PDCD2L: variants seen among roughly 807,000 people sequenced by gnomAD.
PDCD2L encodes the protein programmed cell death 2 like.
PDCD2L carries 44 observed loss-of-function variants against 40.4 expected under a neutral mutation model. That is an observed-to-expected ratio of 1.09 (90% confidence interval 0.86 to 1.40). The LOEUF is 1.40. Ranked by LOEUF, PDCD2L falls within the 40% of genes most tolerant of loss-of-function variation. The pLI, the probability that PDCD2L is intolerant of heterozygous loss-of-function variation, is 0.00. For missense variants in PDCD2L, 470 were observed against 453.7 expected (o/e 1.04, Z -0.33); for synonymous variants, 194 against 174.6 (o/e 1.11, Z -0.88).
chr19:34,408,387 G>A (rs1220923362), intron 3 of PDCD2L, among the ~76,000 whole-genome samples: 2 of 151,732 alleles, frequency 1.3e-5, no homozygotes, highest in Non-Finnish European at 2.9e-5. Context: ...CTGGAGTGCA[G>A]TGGTGTGATC....
chr19:34,412,499 C>T, intron 4 of PDCD2L, among the ~76,000 whole-genome samples: 1 of 151,888 alleles, frequency 6.6e-6, no homozygotes, highest in East Asian at 2.0e-4. Context: ...AGATGGATCA[C>T]TTGAGGTCAG....
chr19:34,412,047 A>C (rs2075106606), intron 4 of PDCD2L, among the ~76,000 whole-genome samples: 1 of 148,704 alleles, frequency 6.7e-6, no homozygotes, highest in South Asian at 2.1e-4. Context: ...TTGAGACAGA[A>C]TCTCGCTCTG....
At chr19:34,412,907 T>C (rs1293164949) in intron 4 of PDCD2L, among the ~76,000 whole-genome samples, 2 of 151,880 alleles carry the variant, frequency 1.3e-5, no homozygotes, top group Non-Finnish European at 2.9e-5. Flanking sequence ...CCCAGCTAAT[T>C]TTTGTATTTT....
chr19:34,410,208 A>C (rs1244829731), intron 4 of PDCD2L, among the ~76,000 whole-genome samples: 1 of 152,170 alleles, frequency 6.6e-6, no homozygotes, highest in Non-Finnish European at 1.5e-5. Context: ...CAGGCAATCT[A>C]TCTTAGTTTC....
intron 5 of PDCD2L, among the ~76,000 whole-genome samples, chr19:34,414,051 G>T (rs1323239672): frequency 6.6e-6 from 1 of 152,134 alleles, no homozygotes; most frequent in Non-Finnish European, 1.5e-5. Flanking sequence ...GCACTCACTT[G>T]TCTAACAAAT....
chr19:34,426,111 G>A lies in PDCD2L; in HGVS notation c.1068G>A (p.Leu356=), dbSNP rs775128196. Residue 356 remains leucine (L), a synonymous_variant, in exon 7 of 7, where the codon TTG becomes TTA. Transcript: ENST00000246535. The part of the protein sequence containing the change: ...CIIQEDPDEL[L]FK Reference sequence around the variant, plus strand: ...TACAAGAAGACCCAGATGAATTATTGTTTAAGTAGAGCATTTCCTTTTATT... The same window carrying A: ...TACAAGAAGACCCAGATGAATTATTATTTAAGTAGAGCATTTCCTTTTATT... The A allele has an allele frequency of 6.4e-7, 1 of 1,570,468 alleles. No homozygotes were observed. Among genetic ancestry groups the A allele is most frequent in the Admixed American group, 1.7e-5 (1 of 59,216 alleles).
Position 34,408,842 on chromosome 19 carries a change from G to A in PDCD2L, c.337-319G>A, listed in dbSNP as rs1180993223. ...CATATCTGAAACCCTAGCTGCTAAG[G>A]GGTCTGGGAAAGGTAGTTCTTTCTT... On this transcript the variant is annotated intron_variant, in intron 3 of 6. Coordinates refer to ENST00000246535, the MANE Select transcript of PDCD2L (RefSeq NM_032346.2). 2.0e-5 allele frequency among the ~76,000 whole-genome samples: 3 copies of A among 152,156 alleles called. No homozygotes were observed. The East Asian group carries it at 5.8e-4, about 29-fold the overall frequency.
Position 34,404,423 on chromosome 19 carries a change from C to T in PDCD2L, c.-8C>T, listed in dbSNP as rs1013246391. 7.1e-6 allele frequency: 11 copies of T among 1,540,098 alleles called. No individual in the cohort carries two copies. The South Asian group carries it at 1.1e-4, about 15-fold the overall frequency. On this transcript the variant is annotated 5_prime_UTR_variant, in exon 1 of 7. Transcript: ENST00000246535. Reference sequence around the variant, plus strand: ...TAGTTTGCGTTTTCACCTGGTCGCCCGGCGGCCATGGCGGCCGTTCTGAAG... The same window carrying T: ...TAGTTTGCGTTTTCACCTGGTCGCCTGGCGGCCATGGCGGCCGTTCTGAAG...
chr19:34,407,167 G>C (rs1447181301), intron 3 of PDCD2L, among the ~76,000 whole-genome samples: 1 of 148,616 alleles, frequency 6.7e-6, no homozygotes, highest in Non-Finnish European at 1.5e-5. Context: ...CTTTGAGATG[G>C]AGTTTCGCTT....
At position 34,409,214 on chromosome 19, in the gene PDCD2L, G is replaced by T; in HGVS notation, c.390G>T (p.Trp130Cys). ...AEDWCEGADD[W>C]GSDTEEGPSP... Reference sequence around the variant, plus strand: ...ACTGGTGTGAAGGTGCTGATGACTGGGGAAGTGATACTGAGGAGGGGCCTT... The same window carrying T: ...ACTGGTGTGAAGGTGCTGATGACTGTGGAAGTGATACTGAGGAGGGGCCTT... The change falls in exon 4 of 7, where the codon TGG (tryptophan) becomes TGT (cysteine). Residue 130 changes from tryptophan to cysteine, a missense_variant. By Grantham distance (215) the Trp-to-Cys change is radical. Coordinates refer to ENST00000246535, the MANE Select transcript of PDCD2L (RefSeq NM_032346.2). The T allele has an allele frequency of 6.2e-7, 1 of 1,614,168 alleles. No homozygotes were observed. The highest frequency in any genetic ancestry group is 8.5e-7 in the Non-Finnish European group (1 of 1,180,028).
chr19:34,404,902 C>G (rs1264792366), intron 2 of PDCD2L, 28 bp from the exon 3 acceptor site: 2 of 1,613,696 alleles, frequency 1.2e-6, no homozygotes, highest in East Asian at 4.5e-5. Context: ...GGGTGCAGCC[C>G]TCACGGCCCT....
intron 6 of PDCD2L, among the ~76,000 whole-genome samples, chr19:34,424,680 T>C (rs1156491200): frequency 1.3e-5 from 2 of 152,018 alleles, no homozygotes; most frequent in African/African-American, 4.8e-5. Flanking sequence ...TTGAGGCGCT[T>C]TTCCCTTACC....
At chr19:34,414,762 A>G (rs1472818527) in intron 5 of PDCD2L, among the ~76,000 whole-genome samples, 2 of 151,842 alleles carry the variant, frequency 1.3e-5, no homozygotes, top group Admixed American at 1.3e-4. Context: ...AGTTTGTTCT[A>G]GGATTACAGG....
Position 34,420,483 on chromosome 19 carries a change from C to T in PDCD2L, c.798-1036C>T, listed in dbSNP as rs73582675. On this transcript the variant is annotated intron_variant, in intron 5 of 6. Coordinates refer to ENST00000246535, the MANE Select transcript of PDCD2L (RefSeq NM_032346.2). ...AAATGATTTACCAGAAATTACATATCGAACAACAGTAATATTGAAGTGAGC... is the reference window on the plus strand; with the variant it reads ...AAATGATTTACCAGAAATTACATATTGAACAACAGTAATATTGAAGTGAGC... 7.8e-3 allele frequency among the ~76,000 whole-genome samples: 1,193 copies of T among 152,042 alleles called. 19 individuals are homozygous for T. The highest frequency in any genetic ancestry group is 0.027 in the African/African-American group (1,113 of 41,502).
At chr19:34,425,415 C>G (rs2075172696) in intron 6 of PDCD2L, among the ~76,000 whole-genome samples, 1 of 151,046 alleles carries the variant, frequency 6.6e-6, no homozygotes, top group Admixed American at 6.6e-5. Context: ...ATCCTTCTGC[C>G]TTAGTCTCCT....
At chr19:34,410,762 T>TTATATTTATTTA (rs146147218) in intron 4 of PDCD2L, among the ~76,000 whole-genome samples, 60,365 of 146,000 alleles carry the variant, frequency 0.41, 14,282 homozygotes, top group Middle Eastern at 0.53. Flanking sequence ...ACTTTTTATT[T>TTATATTTATTTA]TTTATTTATT....
At chr19:34,410,911 A>G (rs557604264) in intron 4 of PDCD2L, among the ~76,000 whole-genome samples, 3 of 150,930 alleles carry the variant, frequency 2.0e-5, no homozygotes, top group African/African-American at 7.3e-5. Flanking sequence ...CAGCCTCCCA[A>G]GTAGCTGGGA....
intron 4 of PDCD2L, among the ~76,000 whole-genome samples, chr19:34,411,491 C>T (rs150321092): frequency 1.3e-5 from 2 of 150,792 alleles, no homozygotes; most frequent in Non-Finnish European, 3.0e-5. Flanking sequence ...GTGATCCGCC[C>T]ACCTCGACCT....
At chr19:34,417,553 G>A (rs572010947) in intron 5 of PDCD2L, among the ~76,000 whole-genome samples, 9 of 151,180 alleles carry the variant, frequency 6.0e-5, no homozygotes, top group East Asian at 2.0e-4. Context: ...GGTTGCAGTC[G>A]ACCGAGACTG....
Sources: allele counts gnomAD v4.1 joint callset (sites outside exome capture counted in the v4.1 genomes callset), GRCh38; gene constraint gnomAD v4.1.1; transcripts MANE v1.5; gene names NCBI Gene and HGNC (gene_info 2026-07-23, HGNC 2026-07-21).